The following FAM184A variants were observed in gnomAD, a reference collection of about 807,000 sequenced individuals.
The protein encoded by FAM184A is protein FAM184A.
FAM184A carries 99 observed loss-of-function variants against 143.8 expected under a neutral mutation model. The observed-to-expected ratio is 0.69, with a 90% CI of 0.58 to 0.81. The LOEUF is 0.81. FAM184A is among the 40% of genes least tolerant of loss of function. The pLI is 0.00. For synonymous variants in FAM184A, 427 were observed against 446.4 expected (o/e 0.96, Z 0.55); for missense variants, 1,217 against 1,310.5 (o/e 0.93, Z 1.10).
chr6:119,051,860 A>C (rs1194848118), intron 1 of FAM184A, among the ~76,000 whole-genome samples: 1 of 152,224 alleles, frequency 6.6e-6, no homozygotes, highest in African/African-American at 2.4e-5. Context: ...TAAGACTGGA[A>C]GATTATTTTA....
Position 119,069,486 on chromosome 6 carries a change from G to A in FAM184A, c.159+8655C>T, listed in dbSNP as rs140384899. Among the ~76,000 whole-genome samples the A allele has an allele frequency of 4.7e-3, 712 of 152,278 alleles. 8 individuals carry two copies. The highest frequency in any genetic ancestry group is 0.032 in the East Asian group (167 of 5,188). On this transcript the variant is annotated intron_variant, in intron 1 of 17. Coordinates refer to ENST00000338891, the MANE Select transcript of FAM184A (RefSeq NM_024581.6). ...TGAACACATAGACACACATTCGCCA[G>A]AATAAACAAAATCTGCTCAACCACC...
intron 1 of FAM184A, among the ~76,000 whole-genome samples, chr6:119,032,476 A>C (rs1232143137): frequency 6.3e-5 from 1 of 15,934 alleles, no homozygotes. Flanking sequence ...CAGACCAGGG[A>C]GGGGGTGGGG....
At chr6:119,141,968 A>C (rs1328573282) in intron 1 of FAM184A, among the ~76,000 whole-genome samples, 2 of 152,198 alleles carry the variant, frequency 1.3e-5, no homozygotes, top group Non-Finnish European at 2.9e-5. Context: ...TCTAAGCCCA[A>C]ATAATCACCC....
Position 119,016,863 on chromosome 6 carries a change from C to T in FAM184A, c.1414G>A (p.Val472Met). The T allele has an allele frequency of 1.2e-6, 2 of 1,614,042 alleles. No individual in the cohort carries two copies. Among genetic ancestry groups the T allele is most frequent in the South Asian group, 1.1e-5 (1 of 91,080 alleles). The change falls in exon 5 of 18, where the codon GTG (valine) becomes ATG (methionine). Residue 472 changes from valine to methionine, a missense_variant. Val to Met is a conservative substitution (Grantham distance 21). Transcript: ENST00000338891. ...KNLQSRLEEE[V>M]TQLNEAHSKT... ...GAATGGGCCTCGTTTAATTGAGTCA[C>T]CTCCTCTTCCAATCTACTTTGCAGG...
intron 1 of FAM184A, among the ~76,000 whole-genome samples, chr6:119,062,706 C>A (rs1273398269): frequency 6.6e-6 from 1 of 152,090 alleles, no homozygotes; most frequent in Admixed American, 6.5e-5. Context: ...CTGATCCCAC[C>A]TCATGGTAAA....
chr6:119,086,197 G>A (rs1374621299), intron 1 of FAM184A, among the ~76,000 whole-genome samples: 1 of 152,226 alleles, frequency 6.6e-6, no homozygotes, highest in Non-Finnish European at 1.5e-5. Context: ...TATACTTAGT[G>A]CCTGTTTCTT....
intron 1 of FAM184A, among the ~76,000 whole-genome samples, chr6:119,040,779 C>CACAGT (rs1379499579): frequency 3.3e-5 from 5 of 152,166 alleles, no homozygotes; most frequent in Non-Finnish European, 1.5e-5. Flanking sequence ...TGTCCACCTG[C>CACAGT]ACAGACCTTC....
chr6:119,055,101 A>G (rs977051149), intron 1 of FAM184A, among the ~76,000 whole-genome samples: 1 of 152,118 alleles, frequency 6.6e-6, no homozygotes, highest in Non-Finnish European at 1.5e-5. Flanking sequence ...TTCTGTCTCT[A>G]TGGATTTGCC....
chr6:119,017,090 T>C, intron 4 of FAM184A, 146 bp from the exon 5 acceptor site: 4 of 623,106 alleles, frequency 6.4e-6, no homozygotes, highest in Non-Finnish European at 1.1e-5. Context: ...AAATCATTAG[T>C]GTTCTCAGAA....
At chr6:119,002,495 T>C (rs1421386403) in intron 9 of FAM184A, among the ~76,000 whole-genome samples, 1 of 152,138 alleles carries the variant, frequency 6.6e-6, no homozygotes, top group African/African-American at 2.4e-5. Flanking sequence ...GTGAGAAAAG[T>C]AAGCTGTTCA....
intron 1 of FAM184A, among the ~76,000 whole-genome samples, chr6:119,095,542 A>G (rs544796457): frequency 6.6e-6 from 1 of 152,204 alleles, no homozygotes; most frequent in African/African-American, 2.4e-5. Flanking sequence ...ATGAGAAATA[A>G]TATAGGCTTT....
intron 7 of FAM184A, 67 bp downstream of exon 7, chr6:119,006,380 A>G: frequency 6.8e-7 from 1 of 1,472,948 alleles, no homozygotes; most frequent in South Asian, 1.2e-5. Context: ...AAATAGCTCT[A>G]GGTCAAATGG....
At chr6:119,005,833 G>A (rs1784900308) in intron 7 of FAM184A, 1 of 429,738 alleles carries the variant, frequency 2.3e-6, no homozygotes, top group East Asian at 3.3e-5. Flanking sequence ...CATAAGAGTG[G>A]AAGAAAAAAG....
intron 1 of FAM184A, among the ~76,000 whole-genome samples, chr6:119,042,029 AC>A (rs1056345220): frequency 2.6e-5 from 4 of 152,000 alleles, no homozygotes; most frequent in African/African-American, 9.7e-5. Context: ...GGGAACAAGG[AC>A]CCCCTGGTAA....
At chr6:118,993,129 T>C (rs1271291746) in intron 9 of FAM184A, among the ~76,000 whole-genome samples, 1 of 152,210 alleles carries the variant, frequency 6.6e-6, no homozygotes, top group Non-Finnish European at 1.5e-5. Context: ...AGATGGCCTA[T>C]ATAATAGTCA....
chr6:119,053,253 T>C (rs1246380026), intron 1 of FAM184A, among the ~76,000 whole-genome samples: 1 of 152,184 alleles, frequency 6.6e-6, no homozygotes, highest in Non-Finnish European at 1.5e-5. Context: ...CTCTACAAAC[T>C]TCATTCTATC....
Position 119,019,862 on chromosome 6 carries a change from A to G in FAM184A, c.1332+116T>C, listed in dbSNP as rs1562476257. The G allele has an allele frequency of 1.3e-5, 12 of 914,754 alleles. No homozygotes were observed. The South Asian group carries it at 2.3e-4, about 18-fold the overall frequency. 56.7% of individuals were successfully genotyped at this position (914,754 alleles called of 1,614,324 possible). Reference sequence around the variant, plus strand: ...AAAATTAGAACCAAAAATAACTACTAAAGTAGGAAATGTATTGTTACTGGG... The same window carrying G: ...AAAATTAGAACCAAAAATAACTACTGAAGTAGGAAATGTATTGTTACTGGG... On this transcript the variant is annotated intron_variant, in intron 4 of 17. Coordinates refer to ENST00000338891, the MANE Select transcript of FAM184A (RefSeq NM_024581.6).
chr6:119,129,137 C>T (rs1789460100), intron 1 of FAM184A, among the ~76,000 whole-genome samples: 1 of 152,184 alleles, frequency 6.6e-6, no homozygotes, highest in Non-Finnish European at 1.5e-5. Context: ...GATGTCGCAC[C>T]TTTCCAGGTC....
Position 119,078,040 on chromosome 6 carries a change from C to G in FAM184A, c.159+101G>C. The G allele has an allele frequency of 7.4e-7, 1 of 1,357,846 alleles. No homozygotes were observed. Among genetic ancestry groups the G allele is most frequent in the Non-Finnish European group, 9.9e-7 (1 of 1,012,972 alleles). The allele number at this position is 1,357,846 out of a possible 1,614,324, so 84.1% of individuals were successfully genotyped here. A position where few individuals can be genotyped will look rare whatever the true frequency, so the allele number is the denominator to read the frequency against. ...GTTGCTTCGGCGGAGGAGTAGAGTT[C>G]CCCTCGCTGCGGGCGCAGGGCGCAC... On this transcript the variant is annotated intron_variant, in intron 1 of 17. Coordinates refer to ENST00000338891, the MANE Select transcript of FAM184A (RefSeq NM_024581.6). This position sits in a 1 kb window ranked among gnomAD's most constrained non-coding sequence, Gnocchi z 5.5.
Sources: gnomAD v4.1 joint callset for allele counts (sites outside exome capture counted in the v4.1 genomes callset) on GRCh38, gnomAD v4.1.1 for gene constraint, Gnocchi (gnomAD v3.1) non-coding constraint, MANE v1.5 for transcripts, NCBI Gene and HGNC (gene_info 2026-07-23, HGNC 2026-07-21) for gene names.